The following SPIDR variants were observed in gnomAD, a reference collection of about 807,000 sequenced individuals.
SPIDR encodes scaffold protein involved in DNA repair, also known as DNA repair-scaffolding protein.
A neutral mutation model predicts 104.6 loss-of-function variants in SPIDR; 93 were observed. The ratio of observed to expected loss-of-function variants is 0.89; its 90% CI spans 0.75 to 1.06. The LOEUF (loss-of-function observed/expected upper bound fraction) is 1.06. SPIDR is among the 50% of genes least tolerant of loss of function. The probability of loss-of-function intolerance (pLI) is 0.00; values close to 1 mark genes in which losing one functional copy is unlikely to be tolerated. For synonymous variants in SPIDR, 431 were observed against 416.9 expected, an observed-to-expected ratio of 1.03 and a Z score of -0.41; for missense variants, 1,154 against 1,111.2, an observed-to-expected ratio of 1.04 and a Z score of -0.55.
In SPIDR at chr8:47,538,379, A is replaced by G. The variant is rs1159287330; in HGVS notation, c.1098-57432A>G. On this transcript the variant is annotated intron_variant, in intron 8 of 19. Transcript: ENST00000297423. ...GCCAACATGGTGAAACCCCGTCTCT[A>G]CTAAAATACAAAAATTAGCTAGGGT... 2.0e-5 allele frequency among the ~76,000 whole-genome samples: 3 copies of G among 152,140 alleles called. No homozygotes were observed. In the East Asian group the frequency reaches 5.8e-4, roughly 29 times the overall value.
chr8:47,533,901 G>A (rs1011742599), intron 8 of SPIDR, among the ~76,000 whole-genome samples: 1 of 152,188 alleles, frequency 6.6e-6, no homozygotes, highest in African/African-American at 2.4e-5. Flanking sequence ...ATTCAACCCA[G>A]TGATCCCATT....
chr8:47,277,696 CAG>C (rs2036816578), intron 1 of SPIDR, among the ~76,000 whole-genome samples: 1 of 122,640 alleles, frequency 8.2e-6, no homozygotes, highest in African/African-American at 3.2e-5. Context: ...TTTTTTGAGA[CAG>C]AGTCTCGCCT....
intron 8 of SPIDR, among the ~76,000 whole-genome samples, chr8:47,527,201 G>A (rs1367153777): frequency 3.9e-5 from 6 of 152,142 alleles, no homozygotes; most frequent in Non-Finnish European, 4.4e-5. Flanking sequence ...GGAGCATTCA[G>A]CCCTCAAGAG....
At chr8:47,415,290 A>G (rs568302918) in intron 7 of SPIDR, among the ~76,000 whole-genome samples, 1 of 152,278 alleles carries the variant, frequency 6.6e-6, no homozygotes, top group African/African-American at 2.4e-5. Flanking sequence ...CCCTTGTACC[A>G]TGCCCCCAGT....
At chr8:47,499,727 T>A (rs2080063876) in intron 8 of SPIDR, among the ~76,000 whole-genome samples, 1 of 152,102 alleles carries the variant, frequency 6.6e-6, no homozygotes, top group Admixed American at 6.5e-5. Context: ...CATGTCGGTA[T>A]GCTACACCCA....
chr8:47,412,521 T>G (rs1221990809), intron 7 of SPIDR, among the ~76,000 whole-genome samples: 1 of 152,198 alleles, frequency 6.6e-6, no homozygotes, highest in African/African-American at 2.4e-5. Context: ...CCAAAATGAC[T>G]TTCATTGGTC....
chr8:47,399,049 T>C (rs1027865505), intron 6 of SPIDR, among the ~76,000 whole-genome samples: 2 of 152,352 alleles, frequency 1.3e-5, no homozygotes, highest in Admixed American at 6.5e-5. Flanking sequence ...ACGATGGAAC[T>C]CTGGAGAAGT....
chr8:47,334,551 A>G (rs1397136981), intron 5 of SPIDR, among the ~76,000 whole-genome samples: 1 of 152,142 alleles, frequency 6.6e-6, no homozygotes, highest in African/African-American at 2.4e-5. Context: ...CTTTAAGTGT[A>G]TTCTGCCTGA....
At chr8:47,673,433 A>G (rs1329991571) in intron 10 of SPIDR, 1 of 460,888 alleles carries the variant, frequency 2.2e-6, no homozygotes, top group Admixed American at 2.3e-5. Flanking sequence ...TAAAAATGGG[A>G]AAAGGACACT....
intron 5 of SPIDR, among the ~76,000 whole-genome samples, chr8:47,373,526 T>C (rs1554640328): frequency 6.6e-6 from 1 of 152,154 alleles, no homozygotes; most frequent in East Asian, 1.9e-4. Flanking sequence ...GTTATTATAC[T>C]TTAAGTTCTG....
chr8:47,601,481 G>A (rs550030006), intron 10 of SPIDR, among the ~76,000 whole-genome samples: 1 of 152,280 alleles, frequency 6.6e-6, no homozygotes, highest in Admixed American at 6.5e-5. Flanking sequence ...GGATCTCGAG[G>A]TCAGGGGATC....
chr8:47,547,340 C>T (rs1311199886), intron 8 of SPIDR: 5 of 501,362 alleles, frequency 1.0e-5, no homozygotes, highest in Non-Finnish European at 2.0e-5. Context: ...TCTATGAATC[C>T]AGCAGGGTGG....
chr8:47,346,611 T>G, intron 5 of SPIDR, among the ~76,000 whole-genome samples: 1 of 152,142 alleles, frequency 6.6e-6, no homozygotes, highest in Non-Finnish European at 1.5e-5. Context: ...CTTTTTTTGC[T>G]TGGTAGGCTA....
chr8:47,295,227 T>C (rs1401874541), intron 5 of SPIDR, among the ~76,000 whole-genome samples: 2 of 152,234 alleles, frequency 1.3e-5, no homozygotes, highest in Non-Finnish European at 2.9e-5. Flanking sequence ...ATATTTATAA[T>C]AGCTGTTTTT....
intron 5 of SPIDR, among the ~76,000 whole-genome samples, chr8:47,378,684 C>T (rs2058968586): frequency 6.6e-6 from 1 of 152,066 alleles, no homozygotes; most frequent in East Asian, 1.9e-4. Flanking sequence ...TTCTTTCACC[C>T]CAAAGTAATC....
intron 6 of SPIDR, among the ~76,000 whole-genome samples, chr8:47,400,161 G>A (rs181369117): frequency 1.3e-5 from 2 of 152,354 alleles, no homozygotes; most frequent in East Asian, 3.9e-4. Flanking sequence ...GCAGTGAAGA[G>A]CAAGGCCATC....
intron 8 of SPIDR, chr8:47,511,740 C>T: frequency 1.6e-6 from 2 of 1,287,514 alleles, no homozygotes; most frequent in Admixed American, 1.7e-5. Context: ...TGGTCACTCG[C>T]TCCACAGCTA....
chr8:47,511,486 G>T, intron 8 of SPIDR: 1 of 777,698 alleles, frequency 1.3e-6, no homozygotes. Flanking sequence ...CCACAGCTCT[G>T]CTGGCACCTC....
At chr8:47,290,948 TG>T (rs1216349815) in intron 3 of SPIDR, 84 bp from the exon 4 acceptor site, 4 of 1,021,126 alleles carry the variant, frequency 3.9e-6, no homozygotes, top group Non-Finnish European at 5.7e-6. Flanking sequence ...TTTGTGACTT[TG>T]GCAAAATTAC....
Sources: gnomAD v4.1 joint callset for allele counts (sites outside exome capture counted in the v4.1 genomes callset) on GRCh38, gnomAD v4.1.1 for gene constraint, MANE v1.5 for transcripts, NCBI Gene and HGNC (gene_info 2026-07-23, HGNC 2026-07-21) for gene names.